AKNA: variants seen among roughly 807,000 people sequenced by gnomAD.
The protein encoded by AKNA is microtubule organization protein AKNA.
Under a neutral mutation model 138.8 loss-of-function variants are expected in AKNA, and 67 were observed. That is an observed-to-expected ratio of 0.48 (90% CI 0.40 to 0.59). AKNA has a LOEUF of 0.59. Among genes scored for constraint, AKNA ranks in the 20% least tolerant of loss-of-function variants. AKNA has a pLI of 0.00. For synonymous variants in AKNA, 737 were observed against 754.4 expected (o/e 0.98, Z 0.38); for missense variants, 1,813 against 1,880.4 (o/e 0.96, Z 0.66).
At chr9:114,359,489 G>A (rs1831758728) in intron 11 of AKNA, 105 bp downstream of exon 11, 16 of 1,588,690 alleles carry the variant, frequency 1.0e-5, no homozygotes, top group African/African-American at 1.4e-5. Flanking sequence ...GGACAGGTAA[G>A]CCATGTCTAA....
At chr9:114,349,114 A>T (rs760997613) in intron 15 of AKNA, 3 of 369,488 alleles carry the variant, frequency 8.1e-6, no homozygotes, top group Non-Finnish European at 1.7e-5. Flanking sequence ...GCTACTGGAG[A>T]GTGACATCTC....
At chr9:114,370,744 G>A (rs2132001761) in intron 4 of AKNA, among the ~76,000 whole-genome samples, 1 of 152,330 alleles carries the variant, frequency 6.6e-6, no homozygotes, top group South Asian at 2.1e-4. Context: ...CTGCACAGAT[G>A]GATTTCTCTC....
chr9:114,345,080 T>C (rs957173055), intron 18 of AKNA: 1 of 150,654 alleles, frequency 6.6e-6, no homozygotes, highest in African/African-American at 2.4e-5. Flanking sequence ...TATATATATA[T>C]ATATTTATGT....
At chr9:114,386,398 G>C (rs1196620428) in intron 1 of AKNA, among the ~76,000 whole-genome samples, 2 of 152,186 alleles carry the variant, frequency 1.3e-5, no homozygotes, top group African/African-American at 4.8e-5. Flanking sequence ...CGGAGGCAAA[G>C]GCACGTAGGT....
intron 4 of AKNA, among the ~76,000 whole-genome samples, chr9:114,369,300 T>C (rs1019835032): frequency 6.6e-6 from 1 of 152,208 alleles, no homozygotes; most frequent in Non-Finnish European, 1.5e-5. Context: ...GAGAGAACTA[T>C]GTTCTGTTTT....
intron 18 of AKNA, chr9:114,344,728 T>A (rs577574130): frequency 6.5e-6 from 1 of 154,146 alleles, no homozygotes; most frequent in South Asian, 2.0e-4. Context: ...AGCTCACTAT[T>A]AAGGGTTAAG....
At chr9:114,369,868 C>G (rs1051203964) in intron 4 of AKNA, among the ~76,000 whole-genome samples, 2 of 152,142 alleles carry the variant, frequency 1.3e-5, no homozygotes, top group African/African-American at 4.8e-5. Flanking sequence ...CCATTTTTAC[C>G]ATTACCGTCA....
At chr9:114,373,885 C>CAAAAAA (rs758805914) in intron 4 of AKNA, among the ~76,000 whole-genome samples, 6 of 79,000 alleles carry the variant, frequency 7.6e-5, no homozygotes, top group Non-Finnish European at 9.1e-5. Context: ...GACCCTGACT[C>CAAAAAA]AAAAAAAAAA....
Position 114,359,711 on chromosome 9 carries a change from C to T in AKNA, c.2375G>A (p.Gly792Glu). 6.2e-7 allele frequency: 1 copy of T among 1,610,222 alleles called. No individual in the cohort carries two copies. Among genetic ancestry groups the T allele is most frequent in the Non-Finnish European group, 8.5e-7 (1 of 1,177,894 alleles). Residue 792 changes from glycine (G) to glutamate (E), a missense_variant, in exon 11 of 22, where the codon GGA (glycine) becomes GAA (glutamate). Coordinates refer to ENST00000374088, the MANE Select transcript of AKNA (RefSeq NM_001317950.2). ...CCCATCAACTTCCAGGGAGTCACCT[C>T]CCCCCTCTTCCTCCTCCTCCTCCTC... ...EGEEEEEEEG[G>E]GDSLEVDGVA...
intron 21 of AKNA, among the ~76,000 whole-genome samples, chr9:114,337,954 C>T (rs867283367): frequency 3.3e-5 from 5 of 152,134 alleles, no homozygotes; most frequent in Non-Finnish European, 5.9e-5. Context: ...AGATGAAGCA[C>T]GGATTTCCCT....
chr9:114,337,360 C>T (rs949491018), intron 21 of AKNA, 54 bp from the exon 22 acceptor site: 99 of 1,376,112 alleles, frequency 7.2e-5, no homozygotes, highest in Middle Eastern at 4.5e-4. Context: ...GGGGACAAGC[C>T]GAGGAGCACC....
chr9:114,340,159 G>C (rs775066865), intron 21 of AKNA, among the ~76,000 whole-genome samples: 1 of 152,180 alleles, frequency 6.6e-6, no homozygotes, highest in African/African-American at 2.4e-5. Flanking sequence ...TCCCCGAATA[G>C]AGGACCAGGG....
chr9:114,342,185 C>A (rs1830402963), intron 19 of AKNA, 60 bp from the exon 20 acceptor site: 2 of 1,291,016 alleles, frequency 1.5e-6, no homozygotes, highest in African/African-American at 1.5e-5. Flanking sequence ...GATCAGGAGC[C>A]CCCATGCAGG....
intron 11 of AKNA, 22 bp downstream of exon 11, chr9:114,359,572 C>T (rs1831770300): frequency 1.9e-6 from 3 of 1,614,076 alleles, no homozygotes; most frequent in Non-Finnish European, 2.5e-6. Context: ...AAACATTCTG[C>T]AGGAAAGGCT....
intron 1 of AKNA, chr9:114,383,241 A>G (rs1282486062): frequency 1.5e-5 from 7 of 455,556 alleles, no homozygotes; most frequent in South Asian, 3.1e-5. Flanking sequence ...GTAGCCAGAG[A>G]AGGGCTCCTC....
At chr9:114,331,726 C>G, downstream of AKNA, 1 of 1,585,384 alleles carries the variant, frequency 6.3e-7, no homozygotes, top group Non-Finnish European at 8.7e-7. Flanking sequence ...CCTCACCCCC[C>G]ATTCACCCAC....
At chr9:114,381,707 C>CTGG (rs573878413) in intron 1 of AKNA, among the ~76,000 whole-genome samples, 233 of 124,664 alleles carry the variant, frequency 1.9e-3, no homozygotes, top group African/African-American at 6.5e-3. Flanking sequence ...GTTGCCCAGG[C>CTGG]TGGAGTGCAG....
chr9:114,341,762 G>T, intron 20 of AKNA, 37 bp from the exon 21 acceptor site: 1 of 1,531,006 alleles, frequency 6.5e-7, no homozygotes, highest in South Asian at 1.3e-5. Context: ...GACAGAGTCT[G>T]ACCACTTGGC....
chr9:114,336,912 C>T lies in AKNA; in HGVS notation c.*142G>A. 2 of 1,078,706 alleles carry T rather than the reference C, an allele frequency of 1.9e-6. No individual in the cohort carries two copies. The highest frequency in any genetic ancestry group is 2.5e-6 in the Non-Finnish European group (2 of 804,360). 66.8% of individuals were successfully genotyped at this position (1,078,706 alleles called of 1,614,324 possible). ...CCACTTGGAAAGCACAGGGACTGAG[C>T]AGGCGGGACCTGTGCTGGAGGGAGA... On this transcript the variant is annotated 3_prime_UTR_variant, in exon 22 of 22. Transcript: ENST00000374088.
Sources: allele counts gnomAD v4.1 joint callset (sites outside exome capture counted in the v4.1 genomes callset), GRCh38; gene constraint gnomAD v4.1.1; transcripts MANE v1.5; gene names NCBI Gene and HGNC (gene_info 2026-07-23, HGNC 2026-07-21).